SIL1: variants seen among roughly 807,000 people sequenced by gnomAD.
The protein encoded by SIL1 is nucleotide exchange factor SIL1.
In SIL1, 40 loss-of-function variants were observed where a neutral mutation model predicts 49.1. That is an observed-to-expected ratio of 0.81 (90% CI 0.63 to 1.06). SIL1 has a LOEUF of 1.06. SIL1 is among the 50% of genes least tolerant of loss of function. The probability of loss-of-function intolerance (pLI) is 0.00; values close to 1 mark genes in which losing one functional copy is unlikely to be tolerated. For synonymous variants in SIL1, 253 were observed against 250.8 expected (o/e 1.01, Z -0.08); for missense variants, 500 against 572.6 (o/e 0.87, Z 1.29).
chr5:139,110,788 G>A (rs1770823356), intron 3 of SIL1, among the ~76,000 whole-genome samples: 1 of 152,248 alleles, frequency 6.6e-6, no homozygotes, highest in South Asian at 2.1e-4. Context: ...CCTGTCTTCA[G>A]AAGAGGGAAG....
At chr5:138,998,527 T>C (rs1467407092) in intron 7 of SIL1, among the ~76,000 whole-genome samples, 1 of 152,082 alleles carries the variant, frequency 6.6e-6, no homozygotes, top group African/African-American at 2.4e-5. Context: ...CTCCAAGATA[T>C]ACAGAAAGCA....
chr5:139,069,936 C>T (rs778721330), intron 3 of SIL1, among the ~76,000 whole-genome samples: 1 of 152,034 alleles, frequency 6.6e-6, no homozygotes, highest in Non-Finnish European at 1.5e-5. Flanking sequence ...AGTTAACATA[C>T]AAAAACACAG....
At chr5:138,976,503 G>A (rs772926931) in intron 7 of SIL1, among the ~76,000 whole-genome samples, 2 of 151,804 alleles carry the variant, frequency 1.3e-5, no homozygotes, top group Admixed American at 6.6e-5. Flanking sequence ...TAGTAGAGAC[G>A]GGGTTTTGCC....
chr5:138,999,811 T>C (rs1383404739), intron 7 of SIL1, among the ~76,000 whole-genome samples: 2 of 152,286 alleles, frequency 1.3e-5, no homozygotes, highest in South Asian at 2.1e-4. Context: ...GGTGGGAAGA[T>C]TGCTTGAGCC....
intron 8 of SIL1, 128 bp downstream of exon 8, chr5:138,951,660 C>A: frequency 1.1e-6 from 1 of 920,326 alleles, no homozygotes. Context: ...TAACTTCTCC[C>A]CCTGTGCCAC....
chr5:139,042,534 G>T, intron 5 of SIL1, 86 bp downstream of exon 5: 1 of 1,086,148 alleles, frequency 9.2e-7, no homozygotes, highest in Non-Finnish European at 1.4e-6. Context: ...TTTATTGCAA[G>T]AGTTCCCATA....
At chr5:138,950,043 G>A (rs1227733551) in intron 9 of SIL1, among the ~76,000 whole-genome samples, 2 of 152,128 alleles carry the variant, frequency 1.3e-5, no homozygotes, top group Non-Finnish European at 2.9e-5. Flanking sequence ...TCCCGGGGCC[G>A]GCAGCCTCGG....
intron 5 of SIL1, among the ~76,000 whole-genome samples, chr5:139,041,818 C>CAA (rs536666463): frequency 1.4e-4 from 12 of 86,370 alleles, no homozygotes; most frequent in South Asian, 8.4e-4. Flanking sequence ...AACTCAAAAA[C>CAA]AAAAAAAAAA....
At chr5:139,143,340 CACACATATAT>C (rs1751128310) in intron 1 of SIL1, among the ~76,000 whole-genome samples, 3 of 85,166 alleles carry the variant, frequency 3.5e-5, no homozygotes, top group African/African-American at 2.1e-4. Context: ...CACACACACA[CACACATATAT>C]ATATATATAT....
intron 4 of SIL1, 49 bp downstream of exon 4, chr5:139,050,889 A>C: frequency 6.8e-7 from 1 of 1,477,294 alleles, no homozygotes; most frequent in Non-Finnish European, 9.5e-7. Flanking sequence ...TTACAATACA[A>C]AATCAACGTT....
chr5:139,095,116 C>A (rs1214520240), intron 3 of SIL1, among the ~76,000 whole-genome samples: 1 of 152,178 alleles, frequency 6.6e-6, no homozygotes, highest in African/African-American at 2.4e-5. Context: ...ACAGGTAGTA[C>A]TTACCAGATT....
chr5:139,057,640 T>C (rs13176902), intron 3 of SIL1, among the ~76,000 whole-genome samples: 65,763 of 151,922 alleles, frequency 0.43, 15,427 homozygotes, highest in African/African-American at 0.63. Context: ...ACACCCCCTA[T>C]AGGAAAAGGA....
At position 139,112,475 on chromosome 5, in the gene SIL1, G is replaced by A. The variant is rs550908280; in HGVS notation, c.244+8560C>T. 5.9e-3 allele frequency among the ~76,000 whole-genome samples: 889 copies of A among 150,538 alleles called. 2 individuals carry two copies. Among genetic ancestry groups the A allele is most frequent in the African/African-American group, 0.02 (816 of 40,918 alleles). On this transcript the variant is annotated intron_variant, in intron 3 of 9. Transcript: ENST00000394817. ...CCCCGCCACCCAGTCTGGGATGTGA[G>A]GAGCGCCTCTGCCCGGCCGCGACCC...
intron 7 of SIL1, among the ~76,000 whole-genome samples, chr5:139,002,601 G>C (rs1251575636): frequency 6.6e-6 from 1 of 152,122 alleles, no homozygotes; most frequent in Admixed American, 6.5e-5. Context: ...CAAATTTGGG[G>C]AAATATTTGC....
chr5:138,990,429 A>G (rs1276488279), intron 7 of SIL1, among the ~76,000 whole-genome samples: 2 of 152,178 alleles, frequency 1.3e-5, no homozygotes, highest in Non-Finnish European at 2.9e-5. Context: ...GATGACTTTC[A>G]TTCTATTTTC....
chr5:138,953,505 CCT>C (rs769526798), intron 7 of SIL1: 174 of 152,464 alleles, frequency 1.1e-3, no homozygotes, highest in Non-Finnish European at 2.1e-3. Flanking sequence ...CACTCTGTAG[CCT>C]CTCAGCCAGA....
At position 138,951,887 on chromosome 5, in the gene SIL1, G is replaced by A; in HGVS notation, c.768-3C>T. The A allele has an allele frequency of 1.2e-6, 2 of 1,613,184 alleles. No individual in the cohort carries two copies. The highest frequency in any genetic ancestry group is 1.1e-5 in the South Asian group (1 of 91,086). On this transcript the variant is annotated splice_polypyrimidine_tract_variant and splice_region_variant and intron_variant, in intron 7 of 9. Transcript: ENST00000394817. ...CCTCCACCTGGACCTTGGGGTTGCTGGGGAAGAAGCACAGGACAGCATGAC... is the reference window on the plus strand; with the variant it reads ...CCTCCACCTGGACCTTGGGGTTGCTAGGGAAGAAGCACAGGACAGCATGAC...
At chr5:139,091,629 A>T (rs1770344939) in intron 3 of SIL1, among the ~76,000 whole-genome samples, 2 of 152,220 alleles carry the variant, frequency 1.3e-5, no homozygotes, top group Non-Finnish European at 2.9e-5. Flanking sequence ...TTATAACTGC[A>T]TTTACCCTCT....
intron 1 of SIL1, among the ~76,000 whole-genome samples, chr5:139,131,210 C>T (rs1187404614): frequency 1.3e-5 from 2 of 152,152 alleles, no homozygotes; most frequent in Non-Finnish European, 2.9e-5. Context: ...CCCCAGTATA[C>T]CTCATTAGGC....
Sources: gnomAD v4.1 joint callset for allele counts (sites outside exome capture counted in the v4.1 genomes callset) on GRCh38, gnomAD v4.1.1 for gene constraint, MANE v1.5 for transcripts, NCBI Gene and HGNC (gene_info 2026-07-23, HGNC 2026-07-21) for gene names.